ST6GAL1: variants seen among roughly 807,000 people sequenced by gnomAD.
The protein encoded by ST6GAL1 is beta-galactoside alpha-2,6-sialyltransferase 1.
In ST6GAL1, 20 loss-of-function variants were observed where a neutral mutation model predicts 38.0. The observed-to-expected ratio is 0.53, with a 90% CI of 0.37 to 0.77. The LOEUF is 0.77. ST6GAL1 is among the 30% of genes least tolerant of loss of function. The pLI is 0.00. For synonymous variants in ST6GAL1, 196 were observed against 188.2 expected, an observed-to-expected ratio of 1.04 and a Z score of -0.34; for missense variants, 432 against 496.4, an observed-to-expected ratio of 0.87 and a Z score of 1.23.
chr3:187,016,237 G>A (rs543980562), intron 2 of ST6GAL1, among the ~76,000 whole-genome samples: 11 of 152,282 alleles, frequency 7.2e-5, no homozygotes, highest in Admixed American at 5.2e-4. Flanking sequence ...AAGCCCCCGC[G>A]GTGGATGCCA....
intron 2 of ST6GAL1, among the ~76,000 whole-genome samples, chr3:187,029,963 A>G (rs1332266944): frequency 6.6e-6 from 1 of 152,138 alleles, no homozygotes; most frequent in African/African-American, 2.4e-5. Context: ...GTAATTGGAG[A>G]TGGGATGCCT....
intron 2 of ST6GAL1, among the ~76,000 whole-genome samples, chr3:187,034,846 A>G (rs2108574702): frequency 6.6e-6 from 1 of 152,352 alleles, no homozygotes; most frequent in Non-Finnish European, 1.5e-5. Flanking sequence ...AACTGAAACA[A>G]GACAAGGATG....
chr3:187,064,402 A>G (rs957997701), intron 5 of ST6GAL1: 6 of 412,868 alleles, frequency 1.5e-5, no homozygotes, highest in Admixed American at 5.2e-5. Flanking sequence ...GTTGCCTACA[A>G]TTCACAAAGG....
intron 4 of ST6GAL1, among the ~76,000 whole-genome samples, chr3:187,044,726 G>A (rs1043794260): frequency 1.3e-5 from 2 of 152,178 alleles, no homozygotes; most frequent in Non-Finnish European, 2.9e-5. Context: ...TGAAGTTTGA[G>A]ACAGGGCCTG....
At chr3:186,953,187 AT>A (rs967336249) in intron 1 of ST6GAL1, among the ~76,000 whole-genome samples, 1 of 152,134 alleles carries the variant, frequency 6.6e-6, no homozygotes, top group Non-Finnish European at 1.5e-5. Context: ...GTGATGTGTC[AT>A]TCTTCCGCTC....
intron 1 of ST6GAL1, among the ~76,000 whole-genome samples, chr3:186,958,353 TAA>T (rs758077952): frequency 6.6e-6 from 1 of 152,270 alleles, no homozygotes; most frequent in South Asian, 2.1e-4. Flanking sequence ...GTTGACTTAA[TAA>T]AAAATGGTAT....
chr3:187,037,832 A>G (rs4686840), intron 2 of ST6GAL1, among the ~76,000 whole-genome samples: 68,583 of 152,038 alleles, frequency 0.45, 16,696 homozygotes, highest in African/African-American at 0.62. Flanking sequence ...TTTGGAATAT[A>G]TGTAAAATTA....
chr3:187,007,782 CT>C (rs1473517787), intron 2 of ST6GAL1, among the ~76,000 whole-genome samples: 1 of 152,166 alleles, frequency 6.6e-6, no homozygotes, highest in African/African-American at 2.4e-5. Context: ...ATTCTCCACT[CT>C]TGAAATTAGA....
At chr3:186,999,063 C>T (rs1716517899) in intron 2 of ST6GAL1, among the ~76,000 whole-genome samples, 1 of 152,230 alleles carries the variant, frequency 6.6e-6, no homozygotes, top group Non-Finnish European at 1.5e-5. Flanking sequence ...GGCCCGGGGG[C>T]AATGCAGGGG....
intron 1 of ST6GAL1, among the ~76,000 whole-genome samples, chr3:186,960,611 A>C (rs903309488): frequency 1.3e-5 from 2 of 152,102 alleles, no homozygotes; most frequent in Non-Finnish European, 2.9e-5. Flanking sequence ...GATCAGCTGA[A>C]TCTGCAGTGC....
intron 2 of ST6GAL1, among the ~76,000 whole-genome samples, chr3:187,032,448 A>G (rs1717785044): frequency 6.6e-6 from 1 of 152,186 alleles, no homozygotes; most frequent in African/African-American, 2.4e-5. Context: ...TGATGCCAGG[A>G]GTAAGAGCTG....
intron 2 of ST6GAL1, among the ~76,000 whole-genome samples, chr3:186,985,756 C>G (rs1298761571): frequency 7.4e-6 from 1 of 135,592 alleles, no homozygotes; most frequent in African/African-American, 2.8e-5. Context: ...GCCTGGGTGG[C>G]AGAGTGAGAC....
chr3:187,076,437 T>G lies in ST6GAL1; in HGVS notation c.*634T>G. The G allele has an allele frequency of 6.1e-6, 1 of 163,794 alleles. No individual in the cohort carries two copies. The allele number at this position is 163,794 out of a possible 1,614,324, so 10.1% of individuals were successfully genotyped here. A position where few individuals can be genotyped will look rare whatever the true frequency, so the allele number is the denominator to read the frequency against. On this transcript the variant is annotated 3_prime_UTR_variant, in exon 8 of 8. Transcript: ENST00000169298. ...TTGGTTAGCCCACTTTCCCTCTCCA[T>G]GTGGAGATGGAAGGTAGAGAAGGAT...
rs191782618 is a variant in ST6GAL1, at chr3:187,023,240, C to G, written c.-182-15502C>G. ...CTTTCTCTGATCATCTGATTTAAAT[C>G]TCCACCTCACCCACTCCAAGCTGTC... On this transcript the variant is annotated intron_variant, in intron 2 of 7. Coordinates refer to ENST00000169298, the MANE Select transcript of ST6GAL1 (RefSeq NM_173216.2). 2.6e-5 allele frequency among the ~76,000 whole-genome samples: 4 copies of G among 152,344 alleles called. No homozygotes were observed. The East Asian group carries it at 7.7e-4, about 29-fold the overall frequency.
intron 2 of ST6GAL1, among the ~76,000 whole-genome samples, chr3:187,010,263 A>T (rs1716913383): frequency 6.6e-6 from 1 of 152,154 alleles, no homozygotes; most frequent in Non-Finnish European, 1.5e-5. Flanking sequence ...AAGACGTTCC[A>T]TGTTATTTTT....
rs1485294959 is a variant in ST6GAL1 at position 187,042,805 on chromosome 3, C to T, written c.102C>T (p.Tyr34=). 1 of 1,614,184 alleles carries T rather than the reference C, an allele frequency of 6.2e-7. No individual in the cohort carries two copies. The highest frequency in any genetic ancestry group is 1.7e-5 in the Admixed American group (1 of 60,022). Residue 34 remains tyrosine, a synonymous_variant, in exon 4 of 8, where the codon TAC becomes TAT. Coordinates refer to ENST00000169298, the MANE Select transcript of ST6GAL1 (RefSeq NM_173216.2). The stretch of plus-strand genomic sequence containing the variant: ...GGAAGGAAAAGAAGAAAGGGAGTTA[C>T]TATGATTCCTTTAAATTGCAAACCA... The part of the protein sequence containing the change: ...CVWKEKKKGS[Y]YDSFKLQTKE...
intron 1 of ST6GAL1, among the ~76,000 whole-genome samples, chr3:186,962,638 A>G (rs1056171951): frequency 6.6e-6 from 1 of 152,188 alleles, no homozygotes; most frequent in South Asian, 2.1e-4. Flanking sequence ...AGCCTGAAGA[A>G]TTTGGAAGCT....
chr3:186,996,770 G>C (rs1330319334), intron 2 of ST6GAL1: 1 of 152,148 alleles, frequency 6.6e-6, no homozygotes, highest in Non-Finnish European at 1.5e-5. Context: ...CCAGGCTCAT[G>C]CACACCTTTC....
At chr3:186,967,560 G>C (rs1454148774) in intron 2 of ST6GAL1, among the ~76,000 whole-genome samples, 1 of 152,196 alleles carries the variant, frequency 6.6e-6, no homozygotes, top group Non-Finnish European at 1.5e-5. Flanking sequence ...GAGGGAGTCA[G>C]GGTCTTTGGA....
Sources: allele counts gnomAD v4.1 joint callset (sites outside exome capture counted in the v4.1 genomes callset), GRCh38; gene constraint gnomAD v4.1.1; transcripts MANE v1.5; gene names NCBI Gene and HGNC (gene_info 2026-07-23, HGNC 2026-07-21).